RGS6: variants seen among roughly 807,000 people sequenced by gnomAD.
RGS6 encodes the protein regulator of G protein signaling 6, also known as regulator of G-protein signaling 6.
Under a neutral mutation model 78.5 loss-of-function variants are expected in RGS6, and 30 were observed. The ratio of observed to expected loss-of-function variants is 0.38; its 90% CI spans 0.29 to 0.52. The LOEUF is 0.52. Among genes scored for constraint, RGS6 ranks in the 20% least tolerant of loss-of-function variants. The pLI is 0.85. For missense variants in RGS6, 495 were observed against 609.7 expected (o/e 0.81, Z 1.98); for synonymous variants, 206 against 206.0 (o/e 1.00, Z 0.00).
At chr14:71,904,516 G>A in the RGS6 span, among the ~76,000 whole-genome samples, 6 of 152,222 alleles carry the variant, frequency 3.9e-5, no homozygotes, top group Non-Finnish European at 5.9e-5. Flanking sequence ...AACTAATACA[G>A]AGGAAATATA....
At chr14:72,380,064 G>GCCAAA (rs111739600) in intron 3 of RGS6, among the ~76,000 whole-genome samples, 9 of 149,472 alleles carry the variant, frequency 6.0e-5, no homozygotes, top group African/African-American at 2.3e-4. Context: ...ACTCACTGAG[G>GCCAAA]CAAAACAAAA....
chr14:72,037,019 G>C (rs11847719), intron 2 of RGS6, among the ~76,000 whole-genome samples: 7,429 of 152,242 alleles, frequency 0.049, 259 homozygotes, highest in African/African-American at 0.096. Context: ...CTAGCTGAAG[G>C]ATTGTAAATA....
chr14:72,574,623 C>G, the RGS6 span, among the ~76,000 whole-genome samples: 1 of 152,172 alleles, frequency 6.6e-6, no homozygotes, highest in Admixed American at 6.5e-5. Flanking sequence ...TCCTCGAAGA[C>G]CACACCTTCT....
chr14:72,215,179 T>C (rs1417446391), intron 2 of RGS6, among the ~76,000 whole-genome samples: 1 of 152,218 alleles, frequency 6.6e-6, no homozygotes, highest in Non-Finnish European at 1.5e-5. Flanking sequence ...TCCACTCTTC[T>C]CTTCCTCCTT....
the RGS6 span, among the ~76,000 whole-genome samples, chr14:71,913,955 C>T: frequency 2.0e-5 from 3 of 152,210 alleles, no homozygotes; most frequent in Non-Finnish European, 4.4e-5. Flanking sequence ...AACTCATGGT[C>T]ATCAAAATCC....
chr14:72,326,202 A>G (rs1427255710), intron 2 of RGS6, among the ~76,000 whole-genome samples: 1 of 152,254 alleles, frequency 6.6e-6, no homozygotes, highest in African/African-American at 2.4e-5. Context: ...TGGTCAATTT[A>G]GAGAAAGAAA....
At chr14:72,323,951 T>G (rs567860881) in intron 2 of RGS6, among the ~76,000 whole-genome samples, 1 of 152,066 alleles carries the variant, frequency 6.6e-6, no homozygotes, top group East Asian at 1.9e-4. Context: ...CTTGAGATAT[T>G]TTGATACAGA....
At chr14:72,163,535 C>T (rs1358070747) in intron 2 of RGS6, among the ~76,000 whole-genome samples, 1 of 152,140 alleles carries the variant, frequency 6.6e-6, no homozygotes, top group Non-Finnish European at 1.5e-5. Context: ...ACTTAGCAGA[C>T]CGGAAAACAT....
intron 2 of RGS6, among the ~76,000 whole-genome samples, chr14:72,124,663 A>G (rs968888143): frequency 3.3e-5 from 5 of 152,228 alleles, no homozygotes; most frequent in South Asian, 2.1e-4. Flanking sequence ...GTAACTGGCC[A>G]TTATTATAGC....
chr14:72,039,396 T>C (rs1288527203), intron 2 of RGS6, among the ~76,000 whole-genome samples: 1 of 152,184 alleles, frequency 6.6e-6, no homozygotes, highest in African/African-American at 2.4e-5. Flanking sequence ...CTCACGTTTA[T>C]ACTTATTGTA....
intron 1 of RGS6, among the ~76,000 whole-genome samples, chr14:71,958,452 G>A (rs955914781): frequency 5.3e-5 from 8 of 152,156 alleles, no homozygotes; most frequent in African/African-American, 1.4e-4. Flanking sequence ...TCAGCAGGCC[G>A]GGCTGAGAAC....
At chr14:72,523,171 G>A (rs932376884) in intron 15 of RGS6, among the ~76,000 whole-genome samples, 11 of 152,170 alleles carry the variant, frequency 7.2e-5, no homozygotes, top group Non-Finnish European at 1.2e-4. Context: ...AGATGTCCTC[G>A]CTTGCTGGCC....
chr14:71,989,051 G>T (rs745454771), intron 2 of RGS6, among the ~76,000 whole-genome samples: 7 of 152,196 alleles, frequency 4.6e-5, no homozygotes, highest in Non-Finnish European at 1.0e-4. Flanking sequence ...TATTCCACTT[G>T]CTGGCTGGCT....
At chr14:72,194,184 C>T (rs537890612) in intron 2 of RGS6, among the ~76,000 whole-genome samples, 94 of 152,088 alleles carry the variant, frequency 6.2e-4, no homozygotes, top group African/African-American at 2.2e-3. Context: ...AGTTCATTCA[C>T]CATTGTTGCT....
chr14:72,080,229 C>G (rs2094760398), intron 2 of RGS6, among the ~76,000 whole-genome samples: 2 of 152,082 alleles, frequency 1.3e-5, no homozygotes, highest in South Asian at 4.1e-4. Flanking sequence ...GCCATTCGAA[C>G]AGGTGTGAAG....
intron 2 of RGS6, among the ~76,000 whole-genome samples, chr14:72,328,998 A>G (rs1167043535): frequency 6.6e-6 from 1 of 151,934 alleles, no homozygotes; most frequent in Non-Finnish European, 1.5e-5. Context: ...CATCCTCCCA[A>G]ATTGCTGGGA....
chr14:72,099,669 G>A (rs1236576657), intron 2 of RGS6, among the ~76,000 whole-genome samples: 1 of 152,154 alleles, frequency 6.6e-6, no homozygotes, highest in East Asian at 1.9e-4. Context: ...AAAAGCTTGG[G>A]ACAGTTGTAT....
intron 2 of RGS6, among the ~76,000 whole-genome samples, chr14:72,142,741 G>A (rs1173589116): frequency 6.6e-6 from 1 of 152,158 alleles, no homozygotes; most frequent in Non-Finnish European, 1.5e-5. Flanking sequence ...AACATTTAAT[G>A]TTCAAGGATG....
intron 2 of RGS6, among the ~76,000 whole-genome samples, chr14:72,277,961 C>CT (rs2060955231): frequency 6.6e-6 from 1 of 152,012 alleles, no homozygotes; most frequent in African/African-American, 2.4e-5. Context: ...AAATCCTCTA[C>CT]TGTCTACTTC....
Sources: gnomAD v4.1 joint callset for allele counts (sites outside exome capture counted in the v4.1 genomes callset) on GRCh38, gnomAD v4.1.1 for gene constraint, MANE v1.5 for transcripts, NCBI Gene and HGNC (gene_info 2026-07-23, HGNC 2026-07-21) for gene names.